CATSPERG: variants seen among roughly 807,000 people sequenced by gnomAD.
CATSPERG encodes the protein cation channel sperm-associated auxiliary subunit gamma.
CATSPERG carries 115 observed loss-of-function variants against 145.0 expected under a neutral mutation model. That is an observed-to-expected ratio of 0.79 (90% confidence interval 0.68 to 0.93). The LOEUF (loss-of-function observed/expected upper bound fraction) is 0.93, where lower values mean the gene tolerates loss of function less well. Ranked by LOEUF, CATSPERG falls within the 40% of genes least tolerant of loss-of-function variation. The pLI is 0.00. For synonymous variants in CATSPERG, 588 were observed against 589.0 expected (o/e 1.00, Z 0.02); for missense variants, 1,296 against 1,490.1 (o/e 0.87, Z 2.14).
chr19:38,365,108 C>T lies in CATSPERG; in HGVS notation c.2604C>T (p.Pro868=), dbSNP rs1226901129. The change falls in exon 22 of 29, where the codon CCC becomes CCT. Residue 868 remains proline, a synonymous_variant. Transcript: ENST00000409235. ...GCTTCCAGGAAACACACCTGGGGCC[C>T]CATATGCAAGTATTGGAGCTTGGGA... The part of the protein sequence containing the change: ...GLCFQETHLG[P]HMQGNLMVPV... The T allele has an allele frequency of 6.2e-7, 1 of 1,613,558 alleles. No homozygotes were observed. The highest frequency in any genetic ancestry group is 1.7e-5 in the Admixed American group (1 of 60,000).
chr19:38,364,747 C>G, intron 20 of CATSPERG, 144 bp from the exon 21 acceptor site: 1 of 690,314 alleles, frequency 1.4e-6, no homozygotes, highest in Non-Finnish European at 2.6e-6. Flanking sequence ...CCCCGTTAGC[C>G]TATTCCTGAG....
intron 3 of CATSPERG, among the ~76,000 whole-genome samples, chr19:38,341,626 G>T (rs371796265): frequency 3.0e-4 from 46 of 152,292 alleles, no homozygotes; most frequent in African/African-American, 1.1e-3. Context: ...ATTGGGCCGG[G>T]CATAGTGGCT....
chr19:38,367,778 T>G lies in CATSPERG; in HGVS notation c.2930+2T>G. 6.2e-7 allele frequency: 1 copy of G among 1,613,454 alleles called. No individual in the cohort carries two copies. ...CCGCTTCAACAGCCCCCTGGACAAGTAATCCCCGTGGGGTCCCACGTGTAA... is the reference window on the plus strand; with the variant it reads ...CCGCTTCAACAGCCCCCTGGACAAGGAATCCCCGTGGGGTCCCACGTGTAA... On this transcript the variant is annotated splice_donor_variant, in intron 25 of 28. Transcript: ENST00000409235. LOFTEE classifies it high-confidence loss of function.
intron 16 of CATSPERG, among the ~76,000 whole-genome samples, chr19:38,361,298 T>C (rs1970339999): frequency 6.6e-6 from 1 of 152,018 alleles, no homozygotes; most frequent in African/African-American, 2.4e-5. Context: ...CCGGTCATCG[T>C]CCTGCGGAGG....
rs1247410697 is a variant in CATSPERG, at chr19:38,360,722, C to G, written c.1768-9C>G. On this transcript the variant is annotated splice_polypyrimidine_tract_variant and intron_variant, in intron 15 of 28. Transcript: ENST00000409235. The stretch of plus-strand genomic sequence containing the variant: ...CCCCAGCTCACCTGGCCCTGCCTTC[C>G]CCCTGCAGCTGGTGTACCTTATGAA... The G allele has an allele frequency of 1.8e-5, 29 of 1,613,986 alleles. No individual in the cohort carries two copies. The highest frequency in any genetic ancestry group is 2.3e-5 in the Non-Finnish European group (27 of 1,179,940).
intron 3 of CATSPERG, among the ~76,000 whole-genome samples, chr19:38,341,632 T>C (rs1370320150): frequency 6.6e-6 from 1 of 152,184 alleles, no homozygotes; most frequent in Non-Finnish European, 1.5e-5. Context: ...CCGGGCATAG[T>C]GGCTCATGCC....
chr19:38,345,473 G>T (rs1415282406), intron 6 of CATSPERG, among the ~76,000 whole-genome samples: 1 of 150,796 alleles, frequency 6.6e-6, no homozygotes, highest in Admixed American at 6.6e-5. Context: ...GATTACAGGC[G>T]TGAGCCACTG....
intron 3 of CATSPERG, among the ~76,000 whole-genome samples, chr19:38,338,027 T>C (rs896660189): frequency 1.3e-5 from 2 of 151,942 alleles, no homozygotes; most frequent in Admixed American, 1.3e-4. Context: ...CCCATCTCAA[T>C]ATGTGGTAGC....
chr19:38,336,670 G>C, intron 1 of CATSPERG: 1 of 244,374 alleles, frequency 4.1e-6, no homozygotes, highest in Non-Finnish European at 8.3e-6. Context: ...GCACAGCCGG[G>C]TGGAAGTACA....
chr19:38,346,578 C>A lies in CATSPERG; in HGVS notation c.798C>A (p.Thr266=), dbSNP rs1434936934. ...AGAAGTACGTCCTGATGACTGACAC[C>A]AGCTTCAAGGACTTCTCTCTCGTGG... ...PNEKYVLMTD[T]SFKDFSLVEL... Residue 266 remains threonine, a synonymous_variant, in exon 7 of 29, where the codon ACC becomes ACA. Coordinates refer to ENST00000409235, the MANE Select transcript of CATSPERG (RefSeq NM_021185.5). The A allele has an allele frequency of 2.6e-6, 4 of 1,551,318 alleles. No homozygotes were observed. The highest frequency in any genetic ancestry group is 3.5e-6 in the Non-Finnish European group (4 of 1,146,802).
At chr19:38,342,804 C>T (rs946137322) in intron 3 of CATSPERG, among the ~76,000 whole-genome samples, 3 of 152,000 alleles carry the variant, frequency 2.0e-5, no homozygotes, top group Non-Finnish European at 4.4e-5. Context: ...GTTCTGCATG[C>T]CTGAAACATC....
intron 9 of CATSPERG, among the ~76,000 whole-genome samples, chr19:38,355,655 C>T (rs1970230567): frequency 6.6e-6 from 1 of 152,014 alleles, no homozygotes; most frequent in Admixed American, 6.6e-5. Context: ...CAAGATCATG[C>T]CACTGCACTC....
intron 7 of CATSPERG, among the ~76,000 whole-genome samples, chr19:38,351,839 G>A (rs576812663): frequency 3.0e-4 from 45 of 152,200 alleles, no homozygotes; most frequent in African/African-American, 1.0e-3. Context: ...TCGAGCCCAG[G>A]AGTTTGAAGC....
chr19:38,361,738 G>C lies in CATSPERG; in HGVS notation c.1971G>C (p.Gln657His). ...SLPSPQRYTR[Q>H]ERYRARPPRV... ...CCAGTCCGCAGAGATACACGCGCCA[G>C]GAGCGCTACCGGGCGCGGCCGCCGC... The change falls in exon 17 of 29, where the codon CAG (glutamine) becomes CAC (histidine). Residue 657 changes from glutamine to histidine, a missense_variant. By Grantham distance (24) the Gln-to-His change is conservative (BLOSUM62 0). Coordinates refer to ENST00000409235, the MANE Select transcript of CATSPERG (RefSeq NM_021185.5). 2 of 1,613,168 alleles carry C rather than the reference G, an allele frequency of 1.2e-6. No individual in the cohort carries two copies. The highest frequency in any genetic ancestry group is 1.7e-5 in the Admixed American group (1 of 59,962).
At chr19:38,339,544 AGTCTCT>A in intron 3 of CATSPERG, among the ~76,000 whole-genome samples, 1 of 152,136 alleles carries the variant, frequency 6.6e-6, no homozygotes, top group African/African-American at 2.4e-5. Context: ...GGCACACTGC[AGTCTCT>A]GCCTCCTGGG....
rs982830172 is a variant in CATSPERG, at chr19:38,343,928, G to A, written c.470-65G>A. ...GGAGTTGTGGGGAGATCCCAGGGTG[G>A]TCTGGGGCCTGGAACCGGCCATTGG... On this transcript the variant is annotated intron_variant, in intron 4 of 28. Coordinates refer to ENST00000409235, the MANE Select transcript of CATSPERG (RefSeq NM_021185.5). 6 of 1,533,886 alleles carry A rather than the reference G, an allele frequency of 3.9e-6. No homozygotes were observed. The Admixed American group carries it at 1.2e-4, about 30-fold the overall frequency.
intron 7 of CATSPERG, chr19:38,349,747 C>T (rs1484583394): frequency 1.3e-5 from 2 of 152,234 alleles, no homozygotes; most frequent in Non-Finnish European, 2.9e-5. Context: ...TTACTGCAAC[C>T]TCTGCCTCCC....
At chr19:38,368,656 G>A (rs1970496624) in intron 26 of CATSPERG, among the ~76,000 whole-genome samples, 1 of 152,196 alleles carries the variant, frequency 6.6e-6, no homozygotes, top group South Asian at 2.1e-4. Flanking sequence ...CGATTCTCCT[G>A]TCTCAGCCTC....
chr19:38,369,041 G>GA (rs1970503105), intron 26 of CATSPERG, among the ~76,000 whole-genome samples: 1 of 151,984 alleles, frequency 6.6e-6, no homozygotes, highest in Admixed American at 6.6e-5. Context: ...TGTATTGAAT[G>GA]AAAGAATGAA....
Sources: allele counts gnomAD v4.1 joint callset (sites outside exome capture counted in the v4.1 genomes callset), GRCh38; gene constraint gnomAD v4.1.1; transcripts MANE v1.5; gene names NCBI Gene and HGNC (gene_info 2026-07-23, HGNC 2026-07-21).